Variants in PTPRN2 observed in about 807,000 individuals in gnomAD.
PTPRN2 encodes protein tyrosine phosphatase receptor type N2, also known as receptor-type tyrosine-protein phosphatase N2.
Under a neutral mutation model 118.8 loss-of-function variants are expected in PTPRN2, and 74 were observed. The ratio of observed to expected loss-of-function variants is 0.62; its 90% CI spans 0.52 to 0.76. PTPRN2 has a LOEUF of 0.76. PTPRN2 is among the 30% of genes least tolerant of loss of function. The probability of loss-of-function intolerance (pLI) is 0.00; values close to 1 mark genes in which losing one functional copy is unlikely to be tolerated. For missense variants in PTPRN2, 1,481 were observed against 1,394.4 expected, an observed-to-expected ratio of 1.06 and a Z score of -0.99; for synonymous variants, 641 against 608.0, an observed-to-expected ratio of 1.05 and a Z score of -0.80.
At chr7:158,150,862 C>T (rs1005778904) in intron 6 of PTPRN2, among the ~76,000 whole-genome samples, 1 of 152,112 alleles carries the variant, frequency 6.6e-6, no homozygotes, top group African/African-American at 2.4e-5. Context: ...CCTTTCTGTT[C>T]TTCCAACCCA....
chr7:157,679,711 G>A (rs903694631), intron 13 of PTPRN2, among the ~76,000 whole-genome samples: 3 of 150,624 alleles, frequency 2.0e-5, no homozygotes, highest in Admixed American at 6.6e-5. Flanking sequence ...CACAGGGGTC[G>A]GGGCTGGGGG....
At chr7:158,579,376 C>T (rs1013599196) in intron 1 of PTPRN2, among the ~76,000 whole-genome samples, 1 of 152,214 alleles carries the variant, frequency 6.6e-6, no homozygotes, top group Non-Finnish European at 1.5e-5. Flanking sequence ...ACTGTAGAAA[C>T]CTGGAGCATC....
At chr7:158,581,846 C>T (rs1323412278) in intron 1 of PTPRN2, among the ~76,000 whole-genome samples, 1 of 152,196 alleles carries the variant, frequency 6.6e-6, no homozygotes, top group South Asian at 2.1e-4. Flanking sequence ...AAATGCAGCT[C>T]GGTAGTCCGA....
chr7:158,321,055 G>A (rs907588052), intron 2 of PTPRN2, among the ~76,000 whole-genome samples: 1 of 152,012 alleles, frequency 6.6e-6, no homozygotes, highest in African/African-American at 2.4e-5. Context: ...GAAAAGGACT[G>A]GAAAGTCAAA....
At chr7:157,771,905 C>A (rs560336050) in intron 12 of PTPRN2, among the ~76,000 whole-genome samples, 10 of 151,190 alleles carry the variant, frequency 6.6e-5, no homozygotes, top group Non-Finnish European at 1.3e-4. Context: ...GACACAAACA[C>A]ACACAGACAA....
intron 2 of PTPRN2, among the ~76,000 whole-genome samples, chr7:158,488,539 G>A (rs1407684439): frequency 6.6e-6 from 1 of 152,152 alleles, no homozygotes; most frequent in Admixed American, 6.5e-5. Flanking sequence ...CAGGGCGCAC[G>A]AGCTCCTCGG....
Position 157,560,080 on chromosome 7 carries a change from C to T in PTPRN2, c.2902+8822G>A, listed in dbSNP as rs540292819. ...CAGGTGGGACCTGAACGACATTTTGCGGCATCCAATGGGCCTGAGGTGTCT... is the reference window on the plus strand; with the variant it reads ...CAGGTGGGACCTGAACGACATTTTGTGGCATCCAATGGGCCTGAGGTGTCT... On this transcript the variant is annotated intron_variant, in intron 21 of 22. Coordinates refer to ENST00000389418, the MANE Select transcript of PTPRN2 (RefSeq NM_002847.5). The surrounding 1 kb of genome is among the most constrained non-coding windows in gnomAD (Gnocchi z 6.7). 1.7e-4 allele frequency among the ~76,000 whole-genome samples: 26 copies of T among 152,262 alleles called. No individual in the cohort carries two copies. The East Asian group carries it at 4.6e-3, about 27-fold the overall frequency.
At chr7:157,957,633 C>T (rs970454823) in intron 11 of PTPRN2, among the ~76,000 whole-genome samples, 14 of 152,054 alleles carry the variant, frequency 9.2e-5, no homozygotes, top group African/African-American at 3.1e-4. Context: ...TGCACACCTA[C>T]AAACAGGATA....
chr7:158,480,853 C>T (rs890429152), intron 2 of PTPRN2, among the ~76,000 whole-genome samples: 13 of 152,178 alleles, frequency 8.5e-5, no homozygotes, highest in Non-Finnish European at 7.3e-5. Context: ...CTCTGAAGCT[C>T]GCAGAGGTTG....
intron 6 of PTPRN2, among the ~76,000 whole-genome samples, chr7:158,156,089 C>A (rs1277568786): frequency 6.6e-6 from 1 of 152,126 alleles, no homozygotes; most frequent in Non-Finnish European, 1.5e-5. Context: ...GGAATCACAG[C>A]TGAGTAGTGT....
chr7:158,285,741 C>A (rs1406890234), intron 3 of PTPRN2, among the ~76,000 whole-genome samples: 1 of 152,122 alleles, frequency 6.6e-6, no homozygotes. Context: ...AGAGCGCGGG[C>A]TGTCTATGTC....
rs140978037 is a variant in PTPRN2, at chr7:158,145,862, C to A, written c.911-7347G>T. On this transcript the variant is annotated intron_variant, in intron 6 of 22. Transcript: ENST00000389418. ...TGGACTCCCATGAAGAAAGGCTGAC[C>A]ATGCTCCCGGAGTCTTGGCCCCAGC... 3.9e-5 allele frequency among the ~76,000 whole-genome samples: 6 copies of A among 152,204 alleles called. No homozygotes were observed. In the East Asian group the frequency reaches 1.2e-3, roughly 29 times the overall value.
At chr7:157,771,778 G>GAC (rs1272204641) in intron 12 of PTPRN2, among the ~76,000 whole-genome samples, 78 of 113,708 alleles carry the variant, frequency 6.9e-4, no homozygotes, top group African/African-American at 4.0e-3. Flanking sequence ...TGCAGACACA[G>GAC]ACACACACTC....
chr7:157,949,939 C>T (rs1385618262), intron 11 of PTPRN2, among the ~76,000 whole-genome samples: 1 of 152,190 alleles, frequency 6.6e-6, no homozygotes, highest in Non-Finnish European at 1.5e-5. Flanking sequence ...CAGCTTGCAA[C>T]TATCTGACTC....
intron 2 of PTPRN2, among the ~76,000 whole-genome samples, chr7:158,333,204 C>A (rs1455887173): frequency 3.1e-5 from 3 of 97,918 alleles, no homozygotes; most frequent in Middle Eastern, 6.7e-3. Context: ...ACCATAAGAG[C>A]TGTCGCCCGC....
intron 2 of PTPRN2, among the ~76,000 whole-genome samples, chr7:158,474,312 G>A (rs1426441619): frequency 1.3e-5 from 2 of 152,234 alleles, no homozygotes; most frequent in African/African-American, 4.8e-5. Context: ...AACACTGCGT[G>A]TAACTGGCAC....
At chr7:157,798,820 T>C (rs951234057) in intron 12 of PTPRN2, among the ~76,000 whole-genome samples, 4 of 143,036 alleles carry the variant, frequency 2.8e-5, no homozygotes, top group African/African-American at 7.5e-5. Context: ...ATGCTGGTGC[T>C]GTGGGGTGGG....
intron 12 of PTPRN2, among the ~76,000 whole-genome samples, chr7:157,873,873 C>G (rs539717148): frequency 3.3e-5 from 5 of 152,054 alleles, no homozygotes; most frequent in Non-Finnish European, 4.4e-5. Context: ...GAGGGATGGA[C>G]GACCAGCTGG....
chr7:157,799,306 G>A (rs760567637), intron 12 of PTPRN2, among the ~76,000 whole-genome samples: 6 of 151,966 alleles, frequency 3.9e-5, no homozygotes, highest in Non-Finnish European at 8.8e-5. Flanking sequence ...CCTCGGATCC[G>A]GGCTGGCCTG....
Sources: gnomAD v4.1 joint callset for allele counts (sites outside exome capture counted in the v4.1 genomes callset) on GRCh38, gnomAD v4.1.1 for gene constraint, Gnocchi (gnomAD v3.1) non-coding constraint, MANE v1.5 for transcripts, NCBI Gene and HGNC (gene_info 2026-07-23, HGNC 2026-07-21) for gene names.